ENTREP2: variants seen among roughly 807,000 people sequenced by gnomAD.
The protein encoded by ENTREP2 is endosomal transmembrane epsin interactor 2.
chr15:29,572,545 C>CT, the ENTREP2 span, among the ~76,000 whole-genome samples: 529 of 143,980 alleles, frequency 3.7e-3, 1 homozygote, highest in South Asian at 0.026. Flanking sequence ...AATCATAAGG[C>CT]TTTTTTTTTT....
the ENTREP2 span, among the ~76,000 whole-genome samples, chr15:29,349,790 T>C: frequency 6.6e-6 from 1 of 152,078 alleles, no homozygotes; most frequent in Non-Finnish European, 1.5e-5. Context: ...CCCAGCTACT[T>C]GGGAGGCTGA....
chr15:29,671,434 C>A, the ENTREP2 span, among the ~76,000 whole-genome samples: 1 of 152,152 alleles, frequency 6.6e-6, no homozygotes, highest in Non-Finnish European at 1.5e-5. Context: ...CTGGCGTCTG[C>A]GGTGTAGGTG....
At chr15:29,159,368 C>CGA in the ENTREP2 span, among the ~76,000 whole-genome samples, 3 of 152,066 alleles carry the variant, frequency 2.0e-5, no homozygotes, top group Admixed American at 2.0e-4. Flanking sequence ...CAAGGTGGAC[C>CGA]GAGAGAGTGA....
chr15:29,579,085 G>A, the ENTREP2 span, among the ~76,000 whole-genome samples: 1 of 152,254 alleles, frequency 6.6e-6, no homozygotes, highest in Non-Finnish European at 1.5e-5. Flanking sequence ...TGAAAATTAT[G>A]AGTCAAGCCT....
At chr15:29,368,233 G>C in the ENTREP2 span, among the ~76,000 whole-genome samples, 2 of 151,720 alleles carry the variant, frequency 1.3e-5, no homozygotes, top group African/African-American at 2.4e-5. Context: ...GCTGAGGCAC[G>C]AGAACTGTTT....
the ENTREP2 span, among the ~76,000 whole-genome samples, chr15:29,651,691 G>C: frequency 6.6e-6 from 1 of 152,238 alleles, no homozygotes; most frequent in Non-Finnish European, 1.5e-5. Flanking sequence ...CCCAGGCACT[G>C]TCACAGCCCA....
the ENTREP2 span, among the ~76,000 whole-genome samples, chr15:29,144,450 C>T: frequency 0.034 from 5,199 of 152,156 alleles, 142 homozygotes; most frequent in East Asian, 0.087. Flanking sequence ...AAAGAAGGGC[C>T]GCGCATGGTA....
the ENTREP2 span, among the ~76,000 whole-genome samples, chr15:29,650,909 G>C: frequency 1.3e-5 from 2 of 152,078 alleles, no homozygotes; most frequent in African/African-American, 4.8e-5. Flanking sequence ...CTAACTACTT[G>C]GGAGGCTCAG....
At chr15:29,651,541 A>G in the ENTREP2 span, among the ~76,000 whole-genome samples, 2 of 152,112 alleles carry the variant, frequency 1.3e-5, no homozygotes, top group South Asian at 4.1e-4. Flanking sequence ...CAGGCGCAAG[A>G]CCCGGGCATC....
the ENTREP2 span, among the ~76,000 whole-genome samples, chr15:29,649,582 G>A: frequency 2.0e-4 from 30 of 151,988 alleles, no homozygotes; most frequent in South Asian, 2.7e-3. Context: ...CTAGCCAGGC[G>A]TGGTGATGTG....
the ENTREP2 span, among the ~76,000 whole-genome samples, chr15:29,422,573 T>TA: frequency 2.2e-4 from 34 of 152,230 alleles, no homozygotes; most frequent in Non-Finnish European, 4.1e-4. Context: ...CCAGTGGCTG[T>TA]AAGGCCAAAG....
chr15:29,415,259 AC>A, the ENTREP2 span, among the ~76,000 whole-genome samples: 1 of 152,220 alleles, frequency 6.6e-6, no homozygotes, highest in Admixed American at 6.5e-5. Flanking sequence ...TCAATAAAAT[AC>A]TGGCAAACCG....
the ENTREP2 span, among the ~76,000 whole-genome samples, chr15:29,477,694 G>A: frequency 1.9e-4 from 29 of 152,172 alleles, no homozygotes; most frequent in South Asian, 3.7e-3. Flanking sequence ...AGACATGGCC[G>A]GGGAAAATGG....
chr15:29,222,499 C>T, the ENTREP2 span, among the ~76,000 whole-genome samples: 1 of 152,294 alleles, frequency 6.6e-6, no homozygotes, highest in Admixed American at 6.5e-5. Flanking sequence ...ATAGCCCTCT[C>T]TTGGGGTCTG....
chr15:29,153,564 AAAT>A, the ENTREP2 span, among the ~76,000 whole-genome samples: 1 of 152,204 alleles, frequency 6.6e-6, no homozygotes, highest in Admixed American at 6.5e-5. Flanking sequence ...GCCTCCTATT[AAAT>A]AATAACATAT....
the ENTREP2 span, among the ~76,000 whole-genome samples, chr15:29,597,873 G>A: frequency 2.0e-5 from 3 of 152,062 alleles, no homozygotes; most frequent in African/African-American, 7.2e-5. Flanking sequence ...TGTAATCCCA[G>A]CATTTTGGGA....
chr15:29,283,007 G>A, the ENTREP2 span, among the ~76,000 whole-genome samples: 2 of 152,172 alleles, frequency 1.3e-5, no homozygotes, highest in African/African-American at 2.4e-5. Flanking sequence ...AGAGGGCCAT[G>A]CTCACACAGG....
chr15:29,222,869 G>A, the ENTREP2 span, among the ~76,000 whole-genome samples: 1 of 152,160 alleles, frequency 6.6e-6, no homozygotes, highest in African/African-American at 2.4e-5. Context: ...AAAGAATAAC[G>A]TTTTTATGAG....
At chr15:29,185,423 G>A in the ENTREP2 span, among the ~76,000 whole-genome samples, 2 of 152,182 alleles carry the variant, frequency 1.3e-5, no homozygotes, top group East Asian at 3.8e-4. Flanking sequence ...CAGCTTCACT[G>A]AGGTAAAACT....
Sources: gnomAD v4.1 joint callset for allele counts (sites outside exome capture counted in the v4.1 genomes callset) on GRCh38, gnomAD v4.1.1 for gene constraint, MANE v1.5 for transcripts, NCBI Gene and HGNC (gene_info 2026-07-23, HGNC 2026-07-21) for gene names.